PDCL2: variants seen among roughly 807,000 people sequenced by gnomAD.
PDCL2 encodes phosducin-like protein 2.
In PDCL2, 23 loss-of-function variants were observed where a neutral mutation model predicts 30.3. The observed-to-expected ratio is 0.76, with a 90% CI of 0.55 to 1.08. The LOEUF is 1.08. PDCL2 is among the 50% of genes least tolerant of loss of function. The pLI is 0.00. For synonymous variants in PDCL2, 68 were observed against 86.2 expected, an observed-to-expected ratio of 0.79 and a Z score of 1.17; for missense variants, 243 against 282.3, an observed-to-expected ratio of 0.86 and a Z score of 1.00.
At chr4:55,581,331 A>G (rs1732708020) in intron 2 of PDCL2, among the ~76,000 whole-genome samples, 1 of 152,104 alleles carries the variant, frequency 6.6e-6, no homozygotes, top group South Asian at 2.1e-4. Flanking sequence ...TTAAACAAAC[A>G]TAAAGCAGCC....
At chr4:55,567,572 T>C (rs541154082) in intron 4 of PDCL2, among the ~76,000 whole-genome samples, 3 of 152,190 alleles carry the variant, frequency 2.0e-5, no homozygotes, top group Admixed American at 2.0e-4. Flanking sequence ...TACTCCCTCC[T>C]TGACCTATGT....
intron 4 of PDCL2, among the ~76,000 whole-genome samples, chr4:55,565,600 G>A (rs1232269648): frequency 1.3e-5 from 2 of 152,080 alleles, no homozygotes; most frequent in Non-Finnish European, 1.5e-5. Context: ...TCCCTCCCAC[G>A]ACAAATGGGG....
intron 3 of PDCL2, among the ~76,000 whole-genome samples, chr4:55,570,424 G>A (rs1732391931): frequency 6.6e-6 from 1 of 152,152 alleles, no homozygotes; most frequent in African/African-American, 2.4e-5. Context: ...AGAGGTAGTA[G>A]AGGAGAGTGA....
chr4:55,565,799 T>C (rs572481876), intron 4 of PDCL2, among the ~76,000 whole-genome samples: 2 of 152,272 alleles, frequency 1.3e-5, no homozygotes, highest in Admixed American at 1.3e-4. Flanking sequence ...TCTAGTTTCC[T>C]GTTCAACTGG....
chr4:55,578,424 G>T (rs1189786814), intron 3 of PDCL2, among the ~76,000 whole-genome samples: 7 of 152,154 alleles, frequency 4.6e-5, no homozygotes, highest in Non-Finnish European at 1.0e-4. Context: ...AACTGATACT[G>T]CCATTTACCA....
In PDCL2 at chr4:55,556,532, A is replaced by G; in HGVS notation, c.*25T>C. 1 of 1,463,536 alleles carries G rather than the reference A, an allele frequency of 6.8e-7. No homozygotes were observed. Among genetic ancestry groups the G allele is most frequent in the South Asian group, 1.4e-5 (1 of 72,176 alleles). The allele number at this position is 1,463,536 out of a possible 1,614,324, so 90.7% of individuals were successfully genotyped here. A position where few individuals can be genotyped will look rare whatever the true frequency, so the allele number is the denominator to read the frequency against. ...TAAAACATTCAGTACACATATACTAAAAGCTATTTATTGAATATTTCTCTC... is the reference window on the plus strand; with the variant it reads ...TAAAACATTCAGTACACATATACTAGAAGCTATTTATTGAATATTTCTCTC... On this transcript the variant is annotated 3_prime_UTR_variant, in exon 6 of 6. Coordinates refer to ENST00000295645, the MANE Select transcript of PDCL2 (RefSeq NM_152401.3).
intron 1 of PDCL2, among the ~76,000 whole-genome samples, chr4:55,584,676 T>C (rs1732815362): frequency 6.6e-6 from 1 of 152,204 alleles, no homozygotes; most frequent in African/African-American, 2.4e-5. Flanking sequence ...GATTACATCA[T>C]CAGCAAACAG....
intron 1 of PDCL2, among the ~76,000 whole-genome samples, chr4:55,589,838 A>C (rs1464926041): frequency 2.0e-5 from 3 of 152,160 alleles, no homozygotes; most frequent in Non-Finnish European, 4.4e-5. Context: ...GCTGAAACAA[A>C]AGAAGAAGGG....
At chr4:55,583,400 T>C (rs1367322504) in intron 1 of PDCL2, among the ~76,000 whole-genome samples, 2 of 152,250 alleles carry the variant, frequency 1.3e-5, no homozygotes, top group Admixed American at 6.5e-5. Flanking sequence ...TCCTTTGCTG[T>C]GCAGAAGCTT....
intron 1 of PDCL2, among the ~76,000 whole-genome samples, chr4:55,586,555 C>T (rs1732868503): frequency 6.6e-6 from 1 of 152,168 alleles, no homozygotes; most frequent in South Asian, 2.1e-4. Flanking sequence ...TACCTATATA[C>T]CACATTTTGT....
intron 1 of PDCL2, among the ~76,000 whole-genome samples, chr4:55,586,228 A>G (rs180908100): frequency 3.7e-4 from 56 of 152,276 alleles, no homozygotes; most frequent in Non-Finnish European, 4.3e-4. Context: ...TTGGTTGTTC[A>G]GTAGCATGTT....
At chr4:55,570,527 C>T (rs1377495682) in intron 3 of PDCL2, among the ~76,000 whole-genome samples, 1 of 152,148 alleles carries the variant, frequency 6.6e-6, no homozygotes, top group Non-Finnish European at 1.5e-5. Flanking sequence ...GTTGTTTAAT[C>T]TCTCTACACT....
At chr4:55,591,383 TTTTG>T (rs112801591) in intron 1 of PDCL2, among the ~76,000 whole-genome samples, 13 of 147,892 alleles carry the variant, frequency 8.8e-5, no homozygotes, top group South Asian at 2.3e-4. Context: ...AAGTCTGAGT[TTTTG>T]TTTGTTTGTT....
chr4:55,575,385 G>GA (rs966930821), intron 3 of PDCL2, among the ~76,000 whole-genome samples: 38 of 149,594 alleles, frequency 2.5e-4, no homozygotes, highest in Non-Finnish European at 3.9e-4. Context: ...AAAAAAGAAT[G>GA]AAAAAAAAAT....
intron 4 of PDCL2, among the ~76,000 whole-genome samples, chr4:55,568,372 G>A (rs1373156419): frequency 6.6e-6 from 1 of 152,188 alleles, no homozygotes; most frequent in African/African-American, 2.4e-5. Context: ...TAAATTAACT[G>A]TCTTGGAGGA....
At chr4:55,566,509 G>A (rs1403343469) in intron 4 of PDCL2, among the ~76,000 whole-genome samples, 1 of 137,182 alleles carries the variant, frequency 7.3e-6, no homozygotes, top group African/African-American at 2.7e-5. Context: ...TGGAACCTCC[G>A]CCTCCCGGGT....
chr4:55,579,259 G>A (rs987217197), intron 3 of PDCL2, among the ~76,000 whole-genome samples: 9 of 151,618 alleles, frequency 5.9e-5, no homozygotes, highest in African/African-American at 1.5e-4. Flanking sequence ...AACACACACC[G>A]TGGGATCAAG....
Position 55,582,161 on chromosome 4 carries a change from T to C in PDCL2, c.83A>G (p.Asp28Gly), listed in dbSNP as rs1732733351. The C allele has an allele frequency of 6.2e-7, 1 of 1,613,248 alleles. No individual in the cohort carries two copies. Among genetic ancestry groups the C allele is most frequent in the Non-Finnish European group, 8.5e-7 (1 of 1,179,714 alleles). The change falls in exon 2 of 6, where the codon GAT becomes GGT. Residue 28 changes from aspartate (D) to glycine (G), a missense_variant. By Grantham distance (94) the Asp-to-Gly change is moderately conservative. Transcript: ENST00000295645. The stretch of plus-strand genomic sequence containing the variant: ...ACGTAAAACCATTTCTTCAATTTCA[T>C]CTTTTGACTCTTCTTTAGGAGGAAG... ...GILPPKEESKDEIEEMVLRLQ... is the reference protein window; with the variant it reads ...GILPPKEESKGEIEEMVLRLQ...
chr4:55,564,948 A>G (rs994866091), intron 4 of PDCL2, among the ~76,000 whole-genome samples: 1 of 152,212 alleles, frequency 6.6e-6, no homozygotes. Context: ...GACTTGGGCC[A>G]AGCTAACTCT....
Sources: gnomAD v4.1 joint callset for allele counts (sites outside exome capture counted in the v4.1 genomes callset) on GRCh38, gnomAD v4.1.1 for gene constraint, MANE v1.5 for transcripts, NCBI Gene and HGNC (gene_info 2026-07-23, HGNC 2026-07-21) for gene names.